PCED1B: variants seen among roughly 807,000 people sequenced by gnomAD.
PCED1B encodes the protein PC-esterase domain-containing protein 1B.
For synonymous variants in PCED1B, 251 were observed against 246.1 expected, an observed-to-expected ratio of 1.02 and a Z score of -0.19; for missense variants, 573 against 573.9, an observed-to-expected ratio of 1.00 and a Z score of 0.02.
chr12:47,217,343 G>A (rs527363353), intron 3 of PCED1B, among the ~76,000 whole-genome samples: 2 of 151,452 alleles, frequency 1.3e-5, no homozygotes, highest in South Asian at 2.1e-4. Flanking sequence ...TTGCTGCAGT[G>A]AGCCATGATT....
At chr12:47,125,861 A>G (rs547712482) in intron 2 of PCED1B, among the ~76,000 whole-genome samples, 49 of 152,182 alleles carry the variant, frequency 3.2e-4, no homozygotes, top group African/African-American at 1.2e-3. Flanking sequence ...TGTATCCCAC[A>G]ATTTTGCTTA....
rs187869719 is a variant in PCED1B at position 47,126,143 on chromosome 12, T to A, written c.-526+21948T>A. 6.6e-3 allele frequency among the ~76,000 whole-genome samples: 1,005 copies of A among 152,172 alleles called. 8 individuals carry two copies. The highest frequency in any genetic ancestry group is 0.023 in the African/African-American group (959 of 41,556). ...TAGGTATGATGATAACTGTAAGGCT[T>A]TTCTGTAAAGAAAAAAAATTTTTTT... is the stretch of plus-strand genomic sequence containing the variant. On this transcript the variant is annotated intron_variant, in intron 2 of 3. Coordinates refer to ENST00000546455, the MANE Select transcript of PCED1B (RefSeq NM_138371.3).
At chr12:47,121,250 A>G (rs557285048) in intron 2 of PCED1B, among the ~76,000 whole-genome samples, 49 of 152,346 alleles carry the variant, frequency 3.2e-4, no homozygotes, top group African/African-American at 1.2e-3. Flanking sequence ...GCGACGGTTT[A>G]TAAATGAGAC....
At chr12:47,210,853 G>A (rs1425175286) in intron 2 of PCED1B, 1 of 151,768 alleles carries the variant, frequency 6.6e-6, no homozygotes, top group Non-Finnish European at 1.5e-5. Context: ...AAAAAGGAAG[G>A]TCAAAAAAAG....
At chr12:47,225,603 T>A (rs1479907967) in intron 3 of PCED1B, among the ~76,000 whole-genome samples, 2 of 152,248 alleles carry the variant, frequency 1.3e-5, no homozygotes, top group Non-Finnish European at 2.9e-5. Context: ...TAATTCTTTA[T>A]CTGTACCATC....
chr12:47,208,238 TTTTG>T (rs540893825), intron 2 of PCED1B, among the ~76,000 whole-genome samples: 5 of 96,752 alleles, frequency 5.2e-5, no homozygotes, highest in South Asian at 5.3e-4. Flanking sequence ...CCATTTTGGT[TTTTG>T]TTTGTTTGTT....
chr12:47,193,290 A>C (rs1458725046), intron 2 of PCED1B, among the ~76,000 whole-genome samples: 3 of 152,218 alleles, frequency 2.0e-5, no homozygotes, highest in Non-Finnish European at 4.4e-5. Context: ...GCATTCCGGC[A>C]TCTGACCGTC....
At position 47,184,156 on chromosome 12, in the gene PCED1B, C is replaced by T. The variant is rs76784185; in HGVS notation, c.-525-32066C>T. Reference sequence around the variant, plus strand: ...CCCTCCCAAAGTGCTGGGATTGCACCGCACCAGGCCAAGAATATTTTCCAT... The same window carrying T: ...CCCTCCCAAAGTGCTGGGATTGCACTGCACCAGGCCAAGAATATTTTCCAT... On this transcript the variant is annotated intron_variant, in intron 2 of 3. Transcript: ENST00000546455. Among the ~76,000 whole-genome samples, 1,480 of 152,132 alleles carry T rather than the reference C, an allele frequency of 9.7e-3. 22 individuals carry two copies. Among genetic ancestry groups the T allele is most frequent in the African/African-American group, 0.032 (1,341 of 41,494 alleles).
chr12:47,094,319 C>CT (rs1380213397), intron 1 of PCED1B, among the ~76,000 whole-genome samples: 1 of 152,062 alleles, frequency 6.6e-6, no homozygotes. Context: ...TTAAACATTT[C>CT]TTTTTATTAG....
intron 1 of PCED1B, among the ~76,000 whole-genome samples, chr12:47,097,447 G>A (rs1295843379): frequency 1.3e-5 from 2 of 152,170 alleles, no homozygotes; most frequent in African/African-American, 4.8e-5. Context: ...AGGGAAGAAG[G>A]GAAGGCAGGG....
intron 2 of PCED1B, among the ~76,000 whole-genome samples, chr12:47,192,776 G>A (rs912652205): frequency 6.6e-6 from 1 of 152,114 alleles, no homozygotes; most frequent in Non-Finnish European, 1.5e-5. Context: ...CTGTGCTGAG[G>A]ATTTTTCATG....
chr12:47,235,360 C>T lies in PCED1B; in HGVS notation c.297C>T (p.Ser99=). Residue 99 remains serine, a synonymous_variant, in exon 4 of 4, where the codon TCC becomes TCT. Transcript: ENST00000546455. ...VRFYFLTRVY[S]DYLQTILKEL... ...TTTACTTCCTCACCCGCGTGTACTCCGATTACCTCCAGACCATCTTGAAAG... is the reference window on the plus strand; with the variant it reads ...TTTACTTCCTCACCCGCGTGTACTCTGATTACCTCCAGACCATCTTGAAAG... The T allele has an allele frequency of 4.3e-6, 7 of 1,614,130 alleles. No individual in the cohort carries two copies. Among genetic ancestry groups the T allele is most frequent in the Non-Finnish European group, 5.9e-6 (7 of 1,180,034 alleles).
chr12:47,137,941 G>A (rs552550970), intron 2 of PCED1B, among the ~76,000 whole-genome samples: 1 of 152,214 alleles, frequency 6.6e-6, no homozygotes, highest in South Asian at 2.1e-4. Context: ...CATTGAAAAG[G>A]ACATTATTAG....
chr12:47,229,169 T>C (rs1943722886), intron 3 of PCED1B, among the ~76,000 whole-genome samples: 1 of 152,004 alleles, frequency 6.6e-6, no homozygotes, highest in South Asian at 2.1e-4. Context: ...ATCCCAGCAC[T>C]GTGGGAGGCT....
chr12:47,201,852 G>A (rs567856515), intron 2 of PCED1B, among the ~76,000 whole-genome samples: 4 of 152,022 alleles, frequency 2.6e-5, no homozygotes, highest in Non-Finnish European at 4.4e-5. Context: ...TGCCCACCTC[G>A]GCCTCTCGAA....
At chr12:47,214,627 T>C (rs1943193150) in intron 2 of PCED1B, among the ~76,000 whole-genome samples, 2 of 152,008 alleles carry the variant, frequency 1.3e-5, no homozygotes, top group African/African-American at 2.4e-5. Context: ...GGGCAACATA[T>C]TGAGACCAAA....
intron 1 of PCED1B, among the ~76,000 whole-genome samples, chr12:47,089,962 A>G (rs1197469087): frequency 1.3e-5 from 2 of 152,116 alleles, no homozygotes; most frequent in Admixed American, 1.3e-4. Flanking sequence ...CAGCAGAGAC[A>G]GGGTTTCACC....
chr12:47,172,173 T>C (rs1418261025), intron 2 of PCED1B, among the ~76,000 whole-genome samples: 1 of 152,142 alleles, frequency 6.6e-6, no homozygotes, highest in African/African-American at 2.4e-5. Flanking sequence ...TGGATCTTTC[T>C]TCCAAGTCTG....
rs150464050 is a variant in PCED1B at position 47,145,318 on chromosome 12, G to A, written c.-526+41123G>A. Among the ~76,000 whole-genome samples, 26 of 152,300 alleles carry A rather than the reference G, an allele frequency of 1.7e-4. 2 individuals carry two copies. Among genetic ancestry groups the A allele is most frequent in the East Asian group, 3.9e-4 (2 of 5,174 alleles). The stretch of plus-strand genomic sequence containing the variant: ...TTCATGAGATTTAAGGAAAGAAGCC[G>A]TTTCCATTACATAAAAGTGCAAGGT... On this transcript the variant is annotated intron_variant, in intron 2 of 3. Transcript: ENST00000546455.
Sources: allele counts gnomAD v4.1 joint callset (sites outside exome capture counted in the v4.1 genomes callset), GRCh38; gene constraint gnomAD v4.1.1; transcripts MANE v1.5; gene names NCBI Gene and HGNC (gene_info 2026-07-23, HGNC 2026-07-21).